The following OR5B2 variants were observed in gnomAD, a reference collection of about 807,000 sequenced individuals.
The protein encoded by OR5B2 is olfactory receptor family 5 subfamily B member 2, also known as olfactory receptor 5B2.
For missense variants in OR5B2, 411 were observed against 367.0 expected, an observed-to-expected ratio of 1.12 and a Z score of -0.98; for synonymous variants, 163 against 140.8, an observed-to-expected ratio of 1.16 and a Z score of -1.11.
rs1156906970 is a variant in OR5B2, at chr11:58,421,662, C to T, written c.*670G>A. The T allele has an allele frequency of 6.6e-6, 1 of 151,874 alleles. No individual in the cohort carries two copies. Among genetic ancestry groups the T allele is most frequent in the Non-Finnish European group, 1.5e-5 (1 of 67,944 alleles). 9.4% of individuals were successfully genotyped at this position (151,874 alleles called of 1,614,324 possible). A position where few individuals can be genotyped will look rare whatever the true frequency, so the allele number is the denominator to read the frequency against. On this transcript the variant is annotated 3_prime_UTR_variant, in exon 3 of 3. Transcript: ENST00000641342. The stretch of plus-strand genomic sequence containing the variant: ...GAAGGGACAACAGCAAGAGTGAATC[C>T]TAATGTAAATTATGGTCTTGAGATG...
intron 2 of OR5B2, among the ~76,000 whole-genome samples, 185 bp from the exon 3 acceptor site, chr11:58,423,474 G>A (rs1234513118): frequency 6.6e-6 from 1 of 152,074 alleles, no homozygotes; most frequent in Non-Finnish European, 1.5e-5. Flanking sequence ...GCTGAATCCA[G>A]GGGATCTTTA....
chr11:58,427,011 C>A (rs1415025187), intron 1 of OR5B2, among the ~76,000 whole-genome samples: 3 of 150,154 alleles, frequency 2.0e-5, no homozygotes, highest in Non-Finnish European at 4.5e-5. Flanking sequence ...CAATGGACAA[C>A]CTTTTACACT....
Position 58,423,274 on chromosome 11 carries a change from A to G in OR5B2, c.-13T>C, listed in dbSNP as rs1893902. On this transcript the variant is annotated 5_prime_UTR_variant, in exon 3 of 3. Coordinates refer to ENST00000641342, the MANE Select transcript of OR5B2 (RefSeq NM_001005566.3). ...TACAATTCTCCATCAGTATTATCTGAGAAACTTAAGATGACCTGTAGCAAT... is the reference window on the plus strand; with the variant it reads ...TACAATTCTCCATCAGTATTATCTGGGAAACTTAAGATGACCTGTAGCAAT... 0.22 allele frequency: 325,439 copies of G among 1,503,824 alleles called. 35,698 individuals are homozygous for G. Among genetic ancestry groups the G allele is most frequent in the Middle Eastern group, 0.27 (1,471 of 5,530 alleles). 93.2% of individuals were successfully genotyped at this position (1,503,824 alleles called of 1,614,324 possible). A position where few individuals can be genotyped will look rare whatever the true frequency, so the allele number is the denominator to read the frequency against.
intron 2 of OR5B2, among the ~76,000 whole-genome samples, chr11:58,425,220 GTGAATAAGA>G (rs1330087133): frequency 6.6e-6 from 1 of 151,990 alleles, no homozygotes; most frequent in African/African-American, 2.4e-5. Context: ...CTAACCAATA[GTGAATAAGA>G]TGAAATTACC....
At chr11:58,425,558 T>C (rs552448829) in intron 2 of OR5B2, among the ~76,000 whole-genome samples, 1 of 152,014 alleles carries the variant, frequency 6.6e-6, no homozygotes, top group Non-Finnish European at 1.5e-5. Flanking sequence ...CATGAAATAA[T>C]GCATAAATAA....
intron 2 of OR5B2, among the ~76,000 whole-genome samples, chr11:58,426,274 A>G (rs192542787): frequency 2.6e-5 from 4 of 152,150 alleles, no homozygotes; most frequent in African/African-American, 9.6e-5. Context: ...TTCATCACTC[A>G]GGTATTAGCC....
intron 2 of OR5B2, among the ~76,000 whole-genome samples, chr11:58,423,694 G>A (rs941943253): frequency 2.6e-5 from 4 of 152,094 alleles, no homozygotes; most frequent in Admixed American, 6.6e-5. Flanking sequence ...ACAATATAAT[G>A]AGGTTGATTC....
In OR5B2 at chr11:58,422,656, G is replaced by A. The variant is rs766471842; in HGVS notation, c.606C>T (p.Ser202=). The part of the protein sequence containing the change: ...TSEVILVFMS[S]FNIFFVLLVI... ...CTAGAAGAACAAAAAAGATATTAAA[G>A]CTTGACATAAAAACCAGAATCACCT... Residue 202 remains serine (S), a synonymous_variant, in exon 3 of 3, where the codon AGC becomes AGT. Coordinates refer to ENST00000641342, the MANE Select transcript of OR5B2 (RefSeq NM_001005566.3). The A allele has an allele frequency of 9.3e-6, 15 of 1,613,386 alleles. No individual in the cohort carries two copies. The highest frequency in any genetic ancestry group is 1.7e-5 in the Admixed American group (1 of 59,858).
chr11:58,425,591 A>G (rs1271464302), intron 2 of OR5B2, among the ~76,000 whole-genome samples: 1 of 152,098 alleles, frequency 6.6e-6, no homozygotes, highest in Non-Finnish European at 1.5e-5. Context: ...AATATGTCTC[A>G]GGTAGTGGTC....
rs199556711 is a variant in OR5B2, at chr11:58,422,858, G to A, written c.404C>T (p.Thr135Met). 5.6e-5 allele frequency: 90 copies of A among 1,613,712 alleles called. No homozygotes were observed. The highest frequency in any genetic ancestry group is 5.1e-4 in the African/African-American group (38 of 75,022). Residue 135 changes from threonine (T) to methionine (M), a missense_variant, in exon 3 of 3, where the codon ACG becomes ATG. Physicochemically the swap from Thr to Met is moderately conservative, Grantham distance 81. Coordinates refer to ENST00000641342, the MANE Select transcript of OR5B2 (RefSeq NM_001005566.3). ...GGCCAGACAGGCACCTACACTGGCC[G>A]TCATGGTGGTGGTGTAGTGTAGGGG... ...CKPLHYTTTMTASVGACLALG... is the reference protein window; with the variant it reads ...CKPLHYTTTMMASVGACLALG...
intron 1 of OR5B2, among the ~76,000 whole-genome samples, chr11:58,427,139 A>G (rs1855347264): frequency 6.6e-6 from 1 of 152,158 alleles, no homozygotes; most frequent in African/African-American, 2.4e-5. Context: ...ATAATTGAGG[A>G]ATTTGAACGT....
chr11:58,422,406 C>T lies in OR5B2; in HGVS notation c.856G>A (p.Val286Met). Reference protein sequence around the residue: ...YAMIIPMLNPVVYSLRNREVQ... With the variant: ...YAMIIPMLNPMVYSLRNREVQ... Reference sequence around the variant, plus strand: ...TCTCTGTTCCTCAGGCTGTAGACCACAGGGTTCAGCATGGGGATGATCATA... The same window carrying T: ...TCTCTGTTCCTCAGGCTGTAGACCATAGGGTTCAGCATGGGGATGATCATA... The change falls in exon 3 of 3, where the codon GTG becomes ATG. Residue 286 changes from valine (V) to methionine (M), a missense_variant. Coordinates refer to ENST00000641342, the MANE Select transcript of OR5B2 (RefSeq NM_001005566.3). 6.2e-7 allele frequency: 1 copy of T among 1,613,572 alleles called. No individual in the cohort carries two copies. Among genetic ancestry groups the T allele is most frequent in the South Asian group, 1.1e-5 (1 of 91,066 alleles).
intron 2 of OR5B2, among the ~76,000 whole-genome samples, chr11:58,426,139 T>C (rs962865830): frequency 6.6e-6 from 1 of 151,762 alleles, no homozygotes; most frequent in Non-Finnish European, 1.5e-5. Context: ...TCTAAGCACA[T>C]GGATTTTTTG....
At chr11:58,424,837 C>A (rs1476411364) in intron 2 of OR5B2, among the ~76,000 whole-genome samples, 2 of 152,112 alleles carry the variant, frequency 1.3e-5, no homozygotes, top group African/African-American at 4.8e-5. Context: ...CTATGTTCTA[C>A]AACAGATGTT....
rs1855281782 is a variant in OR5B2 at position 58,422,210 on chromosome 11, A to G, written c.*122T>C. 2 of 578,178 alleles carry G rather than the reference A, an allele frequency of 3.5e-6. No individual in the cohort carries two copies. Among genetic ancestry groups the G allele is most frequent in the African/African-American group, 1.9e-5 (1 of 53,722 alleles). 35.8% of individuals were successfully genotyped at this position (578,178 alleles called of 1,614,324 possible). A position where few individuals can be genotyped will look rare whatever the true frequency, so the allele number is the denominator to read the frequency against. On this transcript the variant is annotated 3_prime_UTR_variant, in exon 3 of 3. Transcript: ENST00000641342. ...TTAAAAAATTGACTTCTAAAGAGGT[A>G]AGAATATCACCTCATGAACTTAAAT...
chr11:58,427,468 G>A (rs1191785198), intron 1 of OR5B2, among the ~76,000 whole-genome samples: 1 of 152,132 alleles, frequency 6.6e-6, no homozygotes, highest in African/African-American at 2.4e-5. Context: ...ATTATAGGTT[G>A]TATAAACACT....
At position 58,422,682 on chromosome 11, in the gene OR5B2, C is replaced by T. The variant is rs771678582; in HGVS notation, c.580G>A (p.Glu194Lys). ...ALSCSDKHTSEVILVFMSSFN... is the reference protein window; with the variant it reads ...ALSCSDKHTSKVILVFMSSFN... ...CTTGACATAAAAACCAGAATCACCTCACTAGTGTGTTTATCAGAGCAAGAC... is the reference window on the plus strand; with the variant it reads ...CTTGACATAAAAACCAGAATCACCTTACTAGTGTGTTTATCAGAGCAAGAC... The change falls in exon 3 of 3, where the codon GAG (glutamate) becomes AAG (lysine). Residue 194 changes from glutamate (E) to lysine (K), a missense_variant. Transcript: ENST00000641342. The T allele has an allele frequency of 3.7e-6, 6 of 1,613,624 alleles. No homozygotes were observed. The South Asian group carries it at 6.6e-5, about 18-fold the overall frequency.
At position 58,421,489 on chromosome 11, in the gene OR5B2, G is replaced by A. The variant is rs1009501936; in HGVS notation, c.*843C>T. ...ACATTCTGGAGAAAGCAAAACTGTG[G>A]AGACAGAAAAAGATCAGTAGTTGTC... On this transcript the variant is annotated 3_prime_UTR_variant, in exon 3 of 3. Coordinates refer to ENST00000641342, the MANE Select transcript of OR5B2 (RefSeq NM_001005566.3). 5 of 152,146 alleles carry A rather than the reference G, an allele frequency of 3.3e-5. No homozygotes were observed. Among genetic ancestry groups the A allele is most frequent in the Non-Finnish European group, 5.9e-5 (4 of 68,024 alleles). The allele number at this position is 152,146 out of a possible 1,614,324, so 9.4% of individuals were successfully genotyped here.
chr11:58,426,278 A>G (rs530575422), intron 2 of OR5B2, among the ~76,000 whole-genome samples: 42 of 152,120 alleles, frequency 2.8e-4, no homozygotes, highest in African/African-American at 1.0e-3. Flanking sequence ...TCACTCAGGT[A>G]TTAGCCTGGG....
Sources: allele counts gnomAD v4.1 joint callset (sites outside exome capture counted in the v4.1 genomes callset), GRCh38; gene constraint gnomAD v4.1.1; transcripts MANE v1.5; gene names NCBI Gene and HGNC (gene_info 2026-07-23, HGNC 2026-07-21).